The following CEP76 variants were observed in gnomAD, a reference collection of about 807,000 sequenced individuals.
CEP76 encodes the protein centrosomal protein of 76 kDa.
A neutral mutation model predicts 83.3 loss-of-function variants in CEP76; 55 were observed. That is an observed-to-expected ratio of 0.66 (90% CI 0.53 to 0.83). The LOEUF (loss-of-function observed/expected upper bound fraction) is 0.83, where lower values mean the gene tolerates loss of function less well. Ranked by LOEUF, CEP76 falls within the 40% of genes least tolerant of loss-of-function variation. CEP76 has a pLI of 0.00. For synonymous variants in CEP76, 270 were observed against 274.5 expected, an observed-to-expected ratio of 0.98 and a Z score of 0.16; for missense variants, 694 against 799.5, an observed-to-expected ratio of 0.87 and a Z score of 1.59.
Position 12,691,614 on chromosome 18 carries a change from A to G in CEP76, c.805-127T>C. 4.9e-6 allele frequency: 3 copies of G among 613,170 alleles called. No individual in the cohort carries two copies. In the South Asian group the frequency reaches 7.4e-5, roughly 15 times the overall value. 38.0% of individuals were successfully genotyped at this position (613,170 alleles called of 1,614,324 possible). A position where few individuals can be genotyped will look rare whatever the true frequency, so the allele number is the denominator to read the frequency against. ...ATCTGAGTCATCATCATCTTCTATA[A>G]GAGCCTCCTGACTTCCCTATTTCTA... is the stretch of plus-strand genomic sequence containing the variant. On this transcript the variant is annotated intron_variant, in intron 6 of 11. Coordinates refer to ENST00000262127, the MANE Select transcript of CEP76 (RefSeq NM_024899.4).
At chr18:12,680,052 C>CAA (rs560841557) in intron 9 of CEP76, among the ~76,000 whole-genome samples, 10 of 87,416 alleles carry the variant, frequency 1.1e-4, no homozygotes, top group East Asian at 3.4e-4. Flanking sequence ...TGAGACACTG[C>CAA]AAAAAAAAAA....
chr18:12,699,866 G>T lies in CEP76; in HGVS notation c.259C>A (p.Pro87Thr). ...GTCGATTGTCTATCAAAACAAATAG[G>T]TTGTTTTGGAGAGGAAGGGAGTTCT... is the stretch of plus-strand genomic sequence containing the variant. ...EQELPSSPKQPICFDRQSTLK... is the reference protein window; with the variant it reads ...EQELPSSPKQTICFDRQSTLK... The change falls in exon 3 of 12, where the codon CCT becomes ACT. Residue 87 changes from proline (P) to threonine (T), a missense_variant. Pro to Thr is a conservative substitution (Grantham distance 38). Coordinates refer to ENST00000262127, the MANE Select transcript of CEP76 (RefSeq NM_024899.4). 6.3e-7 allele frequency: 1 copy of T among 1,595,806 alleles called. No homozygotes were observed. Among genetic ancestry groups the T allele is most frequent in the Admixed American group, 1.7e-5 (1 of 57,866 alleles).
intron 12 of CEP76, among the ~76,000 whole-genome samples, chr18:12,666,690 C>A (rs572216135): frequency 5.0e-4 from 76 of 151,708 alleles, no homozygotes; most frequent in African/African-American, 1.8e-3. Flanking sequence ...CTCAATTGAT[C>A]TACCTGCCTT....
chr18:12,677,755 A>G (rs1037979366), intron 10 of CEP76, among the ~76,000 whole-genome samples: 1 of 152,194 alleles, frequency 6.6e-6, no homozygotes, highest in African/African-American at 2.4e-5. Context: ...CATCAAGCCC[A>G]GCCTAACCCA....
chr18:12,696,181 G>T (rs982392927), intron 5 of CEP76, among the ~76,000 whole-genome samples: 4 of 151,998 alleles, frequency 2.6e-5, no homozygotes, highest in African/African-American at 9.7e-5. Flanking sequence ...TTTATTTAAA[G>T]AAAAATACAT....
At position 12,664,698 on chromosome 18, in the gene CEP76, C is replaced by T. The variant is rs992532757; in HGVS notation, c.*1728-2529G>A. ...CTGTGCCTGGCTAATTTGTCCTGAT[C>T]TTTTTTTTTTTTTTTTTTAAGACGG... On this transcript the variant is annotated intron_variant and NMD_transcript_variant, in intron 12 of 12. Coordinates refer to the CEP76 transcript ENST00000590143. Among the ~76,000 whole-genome samples, 472 of 137,604 alleles carry T rather than the reference C, an allele frequency of 3.4e-3. 1 individual carries two copies. Among genetic ancestry groups the T allele is most frequent in the African/African-American group, 0.012 (441 of 37,494 alleles). The allele number at this position is 137,604 out of a possible 152,430, so 90.3% of individuals were successfully genotyped here.
chr18:12,662,004 C>G (rs2038701349), exon 13 of CEP76: 1 of 249,184 alleles, frequency 4.0e-6, no homozygotes, highest in Admixed American at 5.1e-5. Context: ...GAATCCTTGA[C>G]TTTTTTTATA....
intron 7 of CEP76, chr18:12,686,880 T>C (rs1306147081): frequency 2.0e-5 from 3 of 152,586 alleles, no homozygotes; most frequent in South Asian, 2.1e-4. Flanking sequence ...ACAGAAATGA[T>C]TGTAGCTTGA....
At chr18:12,664,719 GA>G in intron 12 of CEP76, among the ~76,000 whole-genome samples, 1 of 141,244 alleles carries the variant, frequency 7.1e-6, no homozygotes, top group Non-Finnish European at 1.5e-5. Context: ...TTTTTTTTAA[GA>G]CGGGGTCTTG....
rs1044495284 is a variant in CEP76 at position 12,700,954 on chromosome 18, T to C, written c.219+4A>G. On this transcript the variant is annotated splice_donor_region_variant and intron_variant, in intron 2 of 11. Transcript: ENST00000262127. ...CTCATTTATTTCCCTAAAAGATTAC[T>C]CACAGTAACAAAATTAAGTTCTTTC... is the stretch of plus-strand genomic sequence containing the variant. 5.0e-6 allele frequency: 8 copies of C among 1,609,940 alleles called. No individual in the cohort carries two copies. The highest frequency in any genetic ancestry group is 1.7e-5 in the Admixed American group (1 of 59,808).
At chr18:12,701,560 T>C (rs190725033) in intron 1 of CEP76, among the ~76,000 whole-genome samples, 121 of 152,244 alleles carry the variant, frequency 7.9e-4, no homozygotes, top group Admixed American at 7.9e-3. Context: ...CCTAGTGTAG[T>C]GCCCTCTCAC....
At chr18:12,691,303 AC>A (rs1266984628) in intron 7 of CEP76, 55 bp downstream of exon 7, 1 of 1,090,446 alleles carries the variant, frequency 9.2e-7, no homozygotes, top group Non-Finnish European at 1.3e-6. Flanking sequence ...AAATTTACAC[AC>A]ATAACAGTAA....
chr18:12,678,027 G>T, intron 10 of CEP76, 82 bp downstream of exon 10: 1 of 1,032,396 alleles, frequency 9.7e-7, no homozygotes, highest in Non-Finnish European at 1.5e-6. Flanking sequence ...AATAGTGACT[G>T]GCACTATCAC....
At chr18:12,698,231 CATTT>C (rs1034936117) in intron 4 of CEP76, among the ~76,000 whole-genome samples, 3 of 150,990 alleles carry the variant, frequency 2.0e-5, no homozygotes, top group Non-Finnish European at 4.4e-5. Context: ...AATATTTATT[CATTT>C]ATTTATTTAT....
chr18:12,668,597 C>CACAAAA (rs2038855312), downstream of CEP76, among the ~76,000 whole-genome samples: 1 of 72,838 alleles, frequency 1.4e-5, no homozygotes, highest in Non-Finnish European at 2.4e-5. Context: ...GATTCCATCT[C>CACAAAA]AAAAAAAAAA....
At chr18:12,675,377 C>T (rs909521043) in intron 10 of CEP76, among the ~76,000 whole-genome samples, 9 of 151,846 alleles carry the variant, frequency 5.9e-5, no homozygotes, top group Admixed American at 1.3e-4. Flanking sequence ...GCCTGGGCAA[C>T]AGAGCGAGAC....
chr18:12,683,951 G>A (rs1221094650), intron 8 of CEP76, among the ~76,000 whole-genome samples: 1 of 150,962 alleles, frequency 6.6e-6, no homozygotes, highest in Admixed American at 6.6e-5. Flanking sequence ...CACCATTACT[G>A]TTGTAATGCT....
At position 12,672,800 on chromosome 18, in the gene CEP76, T is replaced by C; in HGVS notation, c.*565A>G. 1 of 983,204 alleles carries C rather than the reference T, an allele frequency of 1.0e-6. No individual in the cohort carries two copies. Among genetic ancestry groups the C allele is most frequent in the Non-Finnish European group, 1.2e-6 (1 of 827,794 alleles). The allele number at this position is 983,204 out of a possible 1,614,324, so 60.9% of individuals were successfully genotyped here. The stretch of plus-strand genomic sequence containing the variant: ...TTTATGCTTTTCTGGTATTAGTTTT[T>C]TCCTACTCTTGCTTCAAGGTCCAAC... On this transcript the variant is annotated 3_prime_UTR_variant, in exon 12 of 12. Coordinates refer to ENST00000262127, the MANE Select transcript of CEP76 (RefSeq NM_024899.4).
chr18:12,700,923 T>C lies in CEP76; in HGVS notation c.219+35A>G, dbSNP rs77564773. ...AGTGTTACGCATTAGTATATACATA[T>C]ATACTCTCATTTATTTCCCTAAAAG... On this transcript the variant is annotated intron_variant, in intron 2 of 11. Coordinates refer to ENST00000262127, the MANE Select transcript of CEP76 (RefSeq NM_024899.4). The C allele has an allele frequency of 1.3e-5, 10 of 790,812 alleles. No homozygotes were observed. Among genetic ancestry groups the C allele is most frequent in the African/African-American group, 1.6e-5 (1 of 60,836 alleles). The allele number at this position is 790,812 out of a possible 1,614,324, so 49.0% of individuals were successfully genotyped here.
Sources: gnomAD v4.1 joint callset for allele counts (sites outside exome capture counted in the v4.1 genomes callset) on GRCh38, gnomAD v4.1.1 for gene constraint, MANE v1.5 for transcripts, NCBI Gene and HGNC (gene_info 2026-07-23, HGNC 2026-07-21) for gene names.